The following HAUS6 variants were observed in gnomAD, a reference collection of about 807,000 sequenced individuals.
HAUS6 encodes the protein HAUS augmin-like complex subunit 6.
HAUS6 carries 80 observed loss-of-function variants against 106.8 expected under a neutral mutation model. The observed-to-expected ratio is 0.75, with a 90% CI of 0.63 to 0.90. The LOEUF (loss-of-function observed/expected upper bound fraction) is 0.90. Ranked by LOEUF, HAUS6 falls within the 40% of genes least tolerant of loss-of-function variation. The pLI is 0.00. For synonymous variants in HAUS6, 356 were observed against 379.1 expected, an observed-to-expected ratio of 0.94 and a Z score of 0.71; for missense variants, 1,155 against 1,118.1, an observed-to-expected ratio of 1.03 and a Z score of -0.47.
intron 2 of HAUS6, among the ~76,000 whole-genome samples, chr9:19,095,128 G>C (rs1234913944): frequency 6.6e-6 from 1 of 151,776 alleles, no homozygotes; most frequent in Non-Finnish European, 1.5e-5. Context: ...ACAAGATTAT[G>C]ACTCCTAGAG....
Position 19,070,202 on chromosome 9 carries a change from A to T in HAUS6, c.1376+17T>A, listed in dbSNP as rs1327770092. 1 of 1,400,360 alleles carries T rather than the reference A, an allele frequency of 7.1e-7. No homozygotes were observed. The highest frequency in any genetic ancestry group is 2.3e-5 in the East Asian group (1 of 43,732). The allele number at this position is 1,400,360 out of a possible 1,614,324, so 86.7% of individuals were successfully genotyped here. ...AGTTTTTTAATGTTTAACAAAAGAAAATCAAATTTGTTTTACCTGTTGGCT... is the reference window on the plus strand; with the variant it reads ...AGTTTTTTAATGTTTAACAAAAGAATATCAAATTTGTTTTACCTGTTGGCT... On this transcript the variant is annotated intron_variant, in intron 12 of 16. Coordinates refer to ENST00000380502, the MANE Select transcript of HAUS6 (RefSeq NM_017645.5).
chr9:19,087,159 G>A lies in HAUS6; in HGVS notation c.585-3C>T. The A allele has an allele frequency of 7.0e-7, 1 of 1,433,838 alleles. No individual in the cohort carries two copies. Among genetic ancestry groups the A allele is most frequent in the Non-Finnish European group, 9.8e-7 (1 of 1,017,192 alleles). 88.8% of individuals were successfully genotyped at this position (1,433,838 alleles called of 1,614,324 possible). A position where few individuals can be genotyped will look rare whatever the true frequency, so the allele number is the denominator to read the frequency against. On this transcript the variant is annotated splice_region_variant and splice_polypyrimidine_tract_variant and intron_variant, in intron 5 of 16. Transcript: ENST00000380502. ...TTCGTACCTGCTTAACTGATAATCT[G>A]CAAGAAAACATACAAAATGACAACT...
chr9:19,081,771 C>G (rs1355194081), intron 8 of HAUS6, among the ~76,000 whole-genome samples: 1 of 151,946 alleles, frequency 6.6e-6, no homozygotes, highest in Non-Finnish European at 1.5e-5. Context: ...ATAGATTTCA[C>G]ACAAAAATTA....
intron 7 of HAUS6, among the ~76,000 whole-genome samples, chr9:19,083,727 G>A (rs932168278): frequency 2.6e-5 from 4 of 150,984 alleles, no homozygotes; most frequent in African/African-American, 7.3e-5. Flanking sequence ...GTGTGAACCC[G>A]GCAGGCGGAG....
Position 19,093,154 on chromosome 9 carries a change from T to C in HAUS6, c.436+17A>G. 6.8e-7 allele frequency: 1 copy of C among 1,464,710 alleles called. No homozygotes were observed. Among genetic ancestry groups the C allele is most frequent in the South Asian group, 1.3e-5 (1 of 79,838 alleles). The allele number at this position is 1,464,710 out of a possible 1,614,324, so 90.7% of individuals were successfully genotyped here. A position where few individuals can be genotyped will look rare whatever the true frequency, so the allele number is the denominator to read the frequency against. The stretch of plus-strand genomic sequence containing the variant: ...TTTAAGAATCAAAACAAAAAATCTT[T>C]TATAAGTTGAACTTACTTTTAGAAT... On this transcript the variant is annotated intron_variant, in intron 4 of 16. Coordinates refer to ENST00000380502, the MANE Select transcript of HAUS6 (RefSeq NM_017645.5).
intron 4 of HAUS6, among the ~76,000 whole-genome samples, chr9:19,092,179 G>A (rs530697806): frequency 2.0e-5 from 3 of 151,854 alleles, no homozygotes; most frequent in Admixed American, 6.6e-5. Context: ...AGTTGTCGCC[G>A]GGCACGGTGG....
rs781522340 is a variant in HAUS6 at position 19,058,592 on chromosome 9, C to G, written c.2175G>C (p.Met725Ile). 2.5e-6 allele frequency: 4 copies of G among 1,602,658 alleles called. No homozygotes were observed. Reference sequence around the variant, plus strand: ...TCATAAACTCCTCTTCACTGCCACCCATCACATCTATCCTATTGCCGACAG... The same window carrying G: ...TCATAAACTCCTCTTCACTGCCACCGATCACATCTATCCTATTGCCGACAG... ...SPAVGNRIDV[M>I]GGSEEEFMKI... is the part of the protein sequence containing the mutation. The change falls in exon 16 of 17, where the codon ATG becomes ATC. Residue 725 changes from methionine (M) to isoleucine (I), a missense_variant. Around this residue, in one of 3 missense-constraint regions of HAUS6, gnomAD observed 380 missense variants for 394.8 expected, o/e 0.96. Coordinates refer to ENST00000380502, the MANE Select transcript of HAUS6 (RefSeq NM_017645.5).
intron 11 of HAUS6, among the ~76,000 whole-genome samples, 164 bp downstream of exon 11, chr9:19,076,438 A>C (rs1837005738): frequency 6.6e-6 from 1 of 152,200 alleles, no homozygotes; most frequent in Non-Finnish European, 1.5e-5. Flanking sequence ...CCACTGAGTT[A>C]TATACTTTGC....
At chr9:19,063,294 G>T (rs375807621) in intron 13 of HAUS6, 101 bp from the exon 14 acceptor site, 1 of 786,502 alleles carries the variant, frequency 1.3e-6, no homozygotes. Context: ...CCTATAAAAG[G>T]TTGTTAATAC....
At chr9:19,084,051 C>CAAA (rs35034404) in intron 7 of HAUS6, among the ~76,000 whole-genome samples, 26 of 100,400 alleles carry the variant, frequency 2.6e-4, no homozygotes, top group South Asian at 7.3e-4. Context: ...AGGATCCTTG[C>CAAA]AAAAAAAAAA....
chr9:19,064,321 C>T (rs561496782), intron 12 of HAUS6, among the ~76,000 whole-genome samples: 1 of 152,284 alleles, frequency 6.6e-6, no homozygotes, highest in South Asian at 2.1e-4. Context: ...ATCAATTTCT[C>T]ATATGCTAAA....
intron 11 of HAUS6, among the ~76,000 whole-genome samples, chr9:19,072,772 AAAG>A (rs1324768094): frequency 6.6e-6 from 1 of 152,162 alleles, no homozygotes; most frequent in Non-Finnish European, 1.5e-5. Flanking sequence ...GAGAAGAACA[AAAG>A]AATAGACCAA....
intron 9 of HAUS6, among the ~76,000 whole-genome samples, chr9:19,078,801 A>T (rs572011254): frequency 1.0e-4 from 15 of 150,518 alleles, no homozygotes; most frequent in African/African-American, 3.7e-4. Context: ...CCGTCTCAAA[A>T]ATAAAAAATA....
intron 11 of HAUS6, among the ~76,000 whole-genome samples, chr9:19,072,801 T>G (rs939313898): frequency 6.6e-6 from 1 of 152,096 alleles, no homozygotes; most frequent in Non-Finnish European, 1.5e-5. Context: ...TCATTAATCG[T>G]GTTGCTCAAT....
At chr9:19,086,650 C>CTTAT (rs1052920919) in intron 7 of HAUS6, 84 bp downstream of exon 7, 117 of 609,030 alleles carry the variant, frequency 1.9e-4, no homozygotes, top group Middle Eastern at 3.2e-4. Flanking sequence ...GGTAAATAGA[C>CTTAT]TATAAGAGTC....
Position 19,094,361 on chromosome 9 carries a change from T to A in HAUS6, c.259A>T (p.Thr87Ser). Residue 87 changes from threonine (T) to serine (S), a missense_variant, in exon 3 of 17, where the codon ACT becomes TCT. By Grantham distance (58) the Thr-to-Ser change is moderately conservative. Coordinates refer to ENST00000380502, the MANE Select transcript of HAUS6 (RefSeq NM_017645.5). ...TCACAGCAATGTTTTCGGAATTCAG[T>A]GTCACTTTTTTGGTCAAATGGGGGC... ...CWPPFDQKSD[T>S]EFRKHCCEWI... 5 of 1,609,544 alleles carry A rather than the reference T, an allele frequency of 3.1e-6. No individual in the cohort carries two copies. Among genetic ancestry groups the A allele is most frequent in the Non-Finnish European group, 4.2e-6 (5 of 1,176,508 alleles).
intron 10 of HAUS6, 108 bp downstream of exon 10, chr9:19,078,068 A>C (rs1260358586): frequency 8.7e-6 from 7 of 801,002 alleles, no homozygotes; most frequent in Non-Finnish European, 1.4e-5. Flanking sequence ...CCAGCCAGCT[A>C]TGATCGTGCC....
In HAUS6 at chr9:19,053,647, T is replaced by TATAC. The variant is rs1268846507; in HGVS notation, c.*2695_*2696insGTAT. The TATAC allele has an allele frequency of 2.6e-5, 4 of 152,204 alleles. No homozygotes were observed. Among genetic ancestry groups the TATAC allele is most frequent in the African/African-American group, 9.6e-5 (4 of 41,458 alleles). The allele number at this position is 152,204 out of a possible 1,614,324, so 9.4% of individuals were successfully genotyped here. ...AGCATTATCTCAGGTTTCAAGCTGA[T>TATAC]GTATGTCAGTTTATATACCTTTGTA... On this transcript the variant is annotated 3_prime_UTR_variant, in exon 17 of 17. Coordinates refer to ENST00000380502, the MANE Select transcript of HAUS6 (RefSeq NM_017645.5).
At chr9:19,099,038 A>G (rs1180254783) in intron 1 of HAUS6, among the ~76,000 whole-genome samples, 2 of 151,458 alleles carry the variant, frequency 1.3e-5, no homozygotes, top group Admixed American at 1.3e-4. Context: ...AAAAAAAGAA[A>G]AAAAGAAAAG....
Sources: gnomAD v4.1 joint callset for allele counts (sites outside exome capture counted in the v4.1 genomes callset) on GRCh38, gnomAD v4.1.1 for gene constraint, gnomAD v4.1.1 regional missense constraint, MANE v1.5 for transcripts, NCBI Gene and HGNC (gene_info 2026-07-23, HGNC 2026-07-21) for gene names.